GYG1: variants seen among roughly 807,000 people sequenced by gnomAD.
GYG1 encodes glycogenin 1.
GYG1 carries 44 observed loss-of-function variants against 41.9 expected under a neutral mutation model. The ratio of observed to expected loss-of-function variants is 1.05; its 90% confidence interval spans 0.83 to 1.35. The LOEUF (loss-of-function observed/expected upper bound fraction) is 1.35. Among genes scored for constraint, GYG1 ranks in the 40% most tolerant of loss-of-function variants. The pLI, the probability that GYG1 is intolerant of heterozygous loss-of-function variation, is 0.00. For missense variants in GYG1, 429 were observed against 418.9 expected, an observed-to-expected ratio of 1.02 and a Z score of -0.21; for synonymous variants, 141 against 158.1, an observed-to-expected ratio of 0.89 and a Z score of 0.81.
In GYG1 at chr3:149,024,287, T is replaced by G. The variant is rs1190058584; in HGVS notation, c.828+15T>G. On this transcript the variant is annotated intron_variant, in intron 6 of 7. Transcript: ENST00000345003. ...ATGTAAATGTGGTAGGTTCTGTTTC[T>G]TTTCTTCAGATCATTTAATGCTGCT... 6.9e-7 allele frequency: 1 copy of G among 1,454,394 alleles called. No individual in the cohort carries two copies. Among genetic ancestry groups the G allele is most frequent in the Non-Finnish European group, 9.7e-7 (1 of 1,034,166 alleles). The allele number at this position is 1,454,394 out of a possible 1,614,324, so 90.1% of individuals were successfully genotyped here.
chr3:148,992,958 T>C (rs771793511), intron 1 of GYG1, among the ~76,000 whole-genome samples: 8 of 151,506 alleles, frequency 5.3e-5, no homozygotes, highest in Non-Finnish European at 1.2e-4. Flanking sequence ...GTGGAATTTC[T>C]ACTGCTTCCA....
intron 1 of GYG1, among the ~76,000 whole-genome samples, chr3:148,993,295 T>G (rs1712591214): frequency 1.0e-5 from 1 of 99,602 alleles, no homozygotes; most frequent in Admixed American, 1.4e-4. Context: ...GAGATTGGGG[T>G]GCGTGTCTGT....
At chr3:149,025,610 GTAT>G (rs1468604154) in intron 6 of GYG1, among the ~76,000 whole-genome samples, 1 of 151,636 alleles carries the variant, frequency 6.6e-6, no homozygotes, top group African/African-American at 2.4e-5. Flanking sequence ...AGTATATTAA[GTAT>G]TATATCTCCT....
Position 149,028,415 on chromosome 3 carries a change from C to A in GYG1, c.*1482C>A, listed in dbSNP as rs765850142. 2.3e-4 allele frequency among the ~76,000 whole-genome samples: 35 copies of A among 152,154 alleles called. No individual in the cohort carries two copies. The highest frequency in any genetic ancestry group is 4.1e-4 in the Non-Finnish European group (28 of 68,022). On this transcript the variant is annotated 3_prime_UTR_variant, in exon 8 of 8. Transcript: ENST00000345003. ...TGGTGAAGAATGAGTCGCTATTGAT[C>A]TTCAAGTACAATGAAGCATTTACCA...
At chr3:149,015,967 T>A (rs1025665164) in intron 5 of GYG1, among the ~76,000 whole-genome samples, 10 of 151,940 alleles carry the variant, frequency 6.6e-5, no homozygotes, top group Admixed American at 1.3e-4. Context: ...TGGCTTCAGA[T>A]AAGAGCCAGG....
At chr3:148,997,041 C>A in intron 4 of GYG1, 137 bp downstream of exon 4, 1 of 703,020 alleles carries the variant, frequency 1.4e-6, no homozygotes, top group Non-Finnish European at 2.5e-6. Context: ...AAGTTGTGCT[C>A]TTCTGGGAAA....
Position 149,030,241 on chromosome 3 carries a change from A to G in GYG1, c.*3308A>G, listed in dbSNP as rs936893093. On this transcript the variant is annotated 3_prime_UTR_variant, in exon 8 of 8. Coordinates refer to ENST00000345003, the MANE Select transcript of GYG1 (RefSeq NM_004130.4). ...AATATTTTTCTAAAGTTATTTTTCT[A>G]TATAATAATAAGACAACAGCATAGC... 125 of 152,328 alleles carry G rather than the reference A, an allele frequency of 8.2e-4. No homozygotes were observed. Among genetic ancestry groups the G allele is most frequent in the African/African-American group, 2.9e-3 (119 of 41,582 alleles). The allele number at this position is 152,328 out of a possible 1,614,324, so 9.4% of individuals were successfully genotyped here.
rs1345808592 is a variant in GYG1, at chr3:149,029,183, G to GTATT, written c.*2251_*2254dup. 6.6e-6 allele frequency among the ~76,000 whole-genome samples: 1 copy of GTATT among 152,148 alleles called. No homozygotes were observed. ...TCTATGATCTATGTCTTAAGGTGAA[G>GTATT]TATTAACTAACTTTTCCATGTAAAG... On this transcript the variant is annotated 3_prime_UTR_variant, in exon 8 of 8. Coordinates refer to ENST00000345003, the MANE Select transcript of GYG1 (RefSeq NM_004130.4).
At chr3:149,015,089 G>T (rs1440459011) in intron 5 of GYG1, among the ~76,000 whole-genome samples, 1 of 152,122 alleles carries the variant, frequency 6.6e-6, no homozygotes, top group Non-Finnish European at 1.5e-5. Context: ...ACTGTTACAG[G>T]TTTGTGGTCT....
intron 1 of GYG1, chr3:148,992,842 C>T (rs1489560784): frequency 6.6e-6 from 1 of 152,072 alleles, no homozygotes; most frequent in African/African-American, 2.4e-5. Flanking sequence ...AGTAGTTGGC[C>T]TGCCGTGGGA....
rs112440241 is a variant in GYG1 at position 148,996,647 on chromosome 3, TCAC to T, written c.319-92_319-90del. ...GGAGGCCCAGGCTGCCTTACAGCTG[TCAC>T]CATCTTTTGTGTTGGATGACATAGG... On this transcript the variant is annotated intron_variant, in intron 3 of 7. Coordinates refer to ENST00000345003, the MANE Select transcript of GYG1 (RefSeq NM_004130.4). 1.2e-5 allele frequency: 16 copies of T among 1,314,140 alleles called. No individual in the cohort carries two copies. In the African/African-American group the frequency reaches 1.3e-4, roughly 11 times the overall value. The allele number at this position is 1,314,140 out of a possible 1,614,324, so 81.4% of individuals were successfully genotyped here. A position where few individuals can be genotyped will look rare whatever the true frequency, so the allele number is the denominator to read the frequency against.
At chr3:148,994,040 A>G (rs965632723) in intron 1 of GYG1, 102 bp from the exon 2 acceptor site, 82 of 994,070 alleles carry the variant, frequency 8.2e-5, no homozygotes, top group Admixed American at 2.3e-4. Flanking sequence ...TTGATGTTAG[A>G]GGAACTGGTT....
rs543382014 is a variant in GYG1 at position 149,015,924 on chromosome 3, AG to A, written c.608+6526del. Among the ~76,000 whole-genome samples, 517 of 152,160 alleles carry A rather than the reference AG, an allele frequency of 3.4e-3. 2 individuals are homozygous for A. Among genetic ancestry groups the A allele is most frequent in the Non-Finnish European group, 5.4e-3 (369 of 68,004 alleles). On this transcript the variant is annotated intron_variant, in intron 5 of 7. Transcript: ENST00000345003. ...GGAGTGATGTCCTTGGATAGGTGAA[AG>A]GGGATGGCACCTAGAACACAAGTGG...
chr3:149,007,359 T>A (rs1397832297), intron 4 of GYG1, among the ~76,000 whole-genome samples: 1 of 152,266 alleles, frequency 6.6e-6, no homozygotes, highest in Non-Finnish European at 1.5e-5. Context: ...CATATTCTGT[T>A]GCCATCTTTA....
At chr3:149,016,071 G>A (rs1714009854) in intron 5 of GYG1, among the ~76,000 whole-genome samples, 1 of 151,756 alleles carries the variant, frequency 6.6e-6, no homozygotes, top group Non-Finnish European at 1.5e-5. Flanking sequence ...GACCGTCCTG[G>A]CTAACAGTGA....
intron 4 of GYG1, among the ~76,000 whole-genome samples, chr3:149,007,062 G>T (rs1444453290): frequency 2.0e-5 from 3 of 152,222 alleles, no homozygotes; most frequent in Non-Finnish European, 4.4e-5. Flanking sequence ...CAAGATTAAG[G>T]TGCCAGCAGA....
chr3:148,998,441 A>C (rs987757315), intron 4 of GYG1, among the ~76,000 whole-genome samples: 1 of 152,148 alleles, frequency 6.6e-6, no homozygotes, highest in African/African-American at 2.4e-5. Context: ...CCTACAATGC[A>C]CAAGACGATT....
chr3:149,009,238 G>A (rs377259966), intron 4 of GYG1, 38 bp from the exon 5 acceptor site: 9 of 1,491,974 alleles, frequency 6.0e-6, no homozygotes, highest in African/African-American at 4.1e-5. Flanking sequence ...AAACTGTCTA[G>A]AGATCTGTTA....
chr3:149,013,566 A>G (rs1306559108), intron 5 of GYG1, among the ~76,000 whole-genome samples: 1 of 152,194 alleles, frequency 6.6e-6, no homozygotes, highest in East Asian at 1.9e-4. Flanking sequence ...TTTAGATATG[A>G]CTAGAGACCT....
Sources: gnomAD v4.1 joint callset for allele counts (sites outside exome capture counted in the v4.1 genomes callset) on GRCh38, gnomAD v4.1.1 for gene constraint, MANE v1.5 for transcripts, NCBI Gene and HGNC (gene_info 2026-07-23, HGNC 2026-07-21) for gene names.